MAML2: variants seen among roughly 807,000 people sequenced by gnomAD.
MAML2 encodes the protein mastermind-like protein 2.
In MAML2, 22 loss-of-function variants were observed where a neutral mutation model predicts 96.1. The observed-to-expected ratio is 0.23, with a 90% CI of 0.16 to 0.33. The LOEUF (loss-of-function observed/expected upper bound fraction) is 0.33. MAML2 is among the 10% of genes least tolerant of loss of function. The pLI, the probability that MAML2 is intolerant of heterozygous loss-of-function variation, is 1.00. For missense variants in MAML2, 1,367 were observed against 1,392.4 expected (o/e 0.98, Z 0.29); for synonymous variants, 561 against 521.3 (o/e 1.08, Z -1.04).
chr11:96,306,071 TATATACATAAC>T (rs1174263309), intron 1 of MAML2, among the ~76,000 whole-genome samples: 1 of 149,448 alleles, frequency 6.7e-6, no homozygotes, highest in African/African-American at 2.6e-5. Flanking sequence ...TATATATAAT[TATATACATAAC>T]ATATACATAT....
At chr11:96,307,097 A>G (rs1366677553) in intron 1 of MAML2, among the ~76,000 whole-genome samples, 1 of 152,210 alleles carries the variant, frequency 6.6e-6, no homozygotes, top group African/African-American at 2.4e-5. Context: ...ACCTCGCCCA[A>G]CAAAATACAA....
intron 2 of MAML2, among the ~76,000 whole-genome samples, chr11:96,084,243 T>C (rs1481129125): frequency 6.6e-6 from 1 of 152,126 alleles, no homozygotes; most frequent in Non-Finnish European, 1.5e-5. Context: ...TACAGGGCTT[T>C]ATAAGCTGCC....
chr11:96,042,252 A>T (rs1436555647), intron 2 of MAML2, among the ~76,000 whole-genome samples: 4 of 152,136 alleles, frequency 2.6e-5, no homozygotes, highest in African/African-American at 9.7e-5. Flanking sequence ...TGCTGGGATT[A>T]CAGGCGTGAG....
At chr11:96,015,584 A>AG (rs796502726) in intron 2 of MAML2, among the ~76,000 whole-genome samples, 19,478 of 54,374 alleles carry the variant, frequency 0.36, 2,969 homozygotes, top group Non-Finnish European at 0.45. Flanking sequence ...AAAAAAAAAA[A>AG]GGGGGGGGGG....
intron 2 of MAML2, among the ~76,000 whole-genome samples, chr11:96,028,592 T>A (rs970607888): frequency 6.6e-6 from 1 of 152,244 alleles, no homozygotes; most frequent in Admixed American, 6.5e-5. Flanking sequence ...GCCTGGCACA[T>A]AATAGGCACT....
intron 1 of MAML2, among the ~76,000 whole-genome samples, chr11:96,183,649 A>T (rs1332931359): frequency 2.0e-5 from 3 of 151,406 alleles, no homozygotes; most frequent in Admixed American, 2.0e-4. Context: ...AGCTCAAATG[A>T]TCCTCCCGCC....
intron 1 of MAML2, among the ~76,000 whole-genome samples, chr11:96,224,892 T>A (rs1470814263): frequency 6.6e-6 from 1 of 152,216 alleles, no homozygotes; most frequent in Non-Finnish European, 1.5e-5. Flanking sequence ...GGATTTTTGT[T>A]TTTTTTCAAA....
chr11:96,186,949 A>G (rs111558188), intron 1 of MAML2, among the ~76,000 whole-genome samples: 88 of 152,344 alleles, frequency 5.8e-4, no homozygotes, highest in African/African-American at 2.0e-3. Context: ...CTGAATTCAA[A>G]GACACAAGTT....
chr11:96,161,613 G>A (rs2135889520), intron 1 of MAML2, among the ~76,000 whole-genome samples: 1 of 152,280 alleles, frequency 6.6e-6, no homozygotes, highest in Admixed American at 6.5e-5. Flanking sequence ...AGAAGAATGT[G>A]AGGCAATAAA....
chr11:96,134,590 A>G (rs1448800410), intron 1 of MAML2, among the ~76,000 whole-genome samples: 1 of 152,232 alleles, frequency 6.6e-6, no homozygotes, highest in African/African-American at 2.4e-5. Flanking sequence ...TGCTGTATGT[A>G]AATTAGTCTA....
intron 1 of MAML2, among the ~76,000 whole-genome samples, chr11:96,184,225 G>A (rs1322874746): frequency 6.6e-6 from 1 of 152,108 alleles, no homozygotes; most frequent in African/African-American, 2.4e-5. Context: ...GGCAGATCAC[G>A]AGGTCAGGAG....
intron 1 of MAML2, among the ~76,000 whole-genome samples, chr11:96,151,816 A>G (rs1486316315): frequency 2.0e-5 from 3 of 152,238 alleles, no homozygotes; most frequent in Non-Finnish European, 2.9e-5. Flanking sequence ...TCTTTTGTTT[A>G]TAAATTACTC....
intron 1 of MAML2, among the ~76,000 whole-genome samples, chr11:96,329,667 T>C (rs1046591149): frequency 3.3e-5 from 5 of 152,188 alleles, no homozygotes; most frequent in Admixed American, 6.5e-5. Flanking sequence ...GAGCCAGCAC[T>C]AGAACCTTCA....
Position 96,013,416 on chromosome 11 carries a change from A to C in MAML2, c.2140-21693T>G, listed in dbSNP as rs192944350. Among the ~76,000 whole-genome samples the C allele has an allele frequency of 1.2e-4, 19 of 152,346 alleles. No homozygotes were observed. In the East Asian group the frequency reaches 3.5e-3, roughly 28 times the overall value. On this transcript the variant is annotated intron_variant, in intron 2 of 4. Transcript: ENST00000524717. ...AACCACAAAGTGATACAGGACTGCT[A>C]GGAAGGGAAGAGTGTGGTCCCTTTA...
chr11:96,014,877 T>C (rs1017883509), intron 2 of MAML2, among the ~76,000 whole-genome samples: 1 of 152,218 alleles, frequency 6.6e-6, no homozygotes, highest in African/African-American at 2.4e-5. Context: ...GAAATTCCAA[T>C]GCATGTTTGA....
At chr11:96,320,209 G>C (rs1591130871) in intron 1 of MAML2, among the ~76,000 whole-genome samples, 1 of 152,350 alleles carries the variant, frequency 6.6e-6, no homozygotes, top group East Asian at 1.9e-4. Flanking sequence ...TGAACTCCTT[G>C]TTATATTGAT....
intron 1 of MAML2, among the ~76,000 whole-genome samples, chr11:96,198,719 G>C (rs867880414): frequency 3.3e-5 from 5 of 152,014 alleles, no homozygotes; most frequent in Non-Finnish European, 7.4e-5. Context: ...CAAAGTTCCG[G>C]AAGGAGGAAC....
At chr11:96,093,747 G>T (rs1249813442) in intron 1 of MAML2, among the ~76,000 whole-genome samples, 1 of 152,168 alleles carries the variant, frequency 6.6e-6, no homozygotes, top group Non-Finnish European at 1.5e-5. Context: ...AGATCAATTA[G>T]GTTAGAGATC....
Position 96,248,857 on chromosome 11 carries a change from G to A in MAML2, c.513+92526C>T, listed in dbSNP as rs750006064. Among the ~76,000 whole-genome samples, 300 of 152,308 alleles carry A rather than the reference G, an allele frequency of 2.0e-3. 6 individuals carry two copies. The highest frequency in any genetic ancestry group is 2.2e-3 in the Non-Finnish European group (148 of 68,028). Reference sequence around the variant, plus strand: ...ACAAAATGGCTCCTGTTAAGGTGGTGTGTGGCGCAACTAGCAGAAGCTAAT... The same window carrying A: ...ACAAAATGGCTCCTGTTAAGGTGGTATGTGGCGCAACTAGCAGAAGCTAAT... On this transcript the variant is annotated intron_variant, in intron 1 of 4. Coordinates refer to ENST00000524717, the MANE Select transcript of MAML2 (RefSeq NM_032427.4).
Sources: allele counts gnomAD v4.1 joint callset (sites outside exome capture counted in the v4.1 genomes callset), GRCh38; gene constraint gnomAD v4.1.1; transcripts MANE v1.5; gene names NCBI Gene and HGNC (gene_info 2026-07-23, HGNC 2026-07-21).